SMIM10L3: variants seen among roughly 807,000 people sequenced by gnomAD.
SMIM10L3 encodes the protein small integral membrane protein 10 like 3, also known as salivary gland specific protein SAGSIN1.
chr7:6,332,662 T>C, the SMIM10L3 span, among the ~76,000 whole-genome samples: 1 of 151,880 alleles, frequency 6.6e-6, no homozygotes, highest in South Asian at 2.1e-4. Flanking sequence ...CGAGTCACTC[T>C]GCCCTCTGAC....
At chr7:6,337,442 AAACAGGTCATAT>A in the SMIM10L3 span, among the ~76,000 whole-genome samples, 1 of 151,264 alleles carries the variant, frequency 6.6e-6, no homozygotes, top group Non-Finnish European at 1.5e-5. Flanking sequence ...TTCTCAAGAA[AAACAGGTCATAT>A]AATATGGGAC....
the SMIM10L3 span, among the ~76,000 whole-genome samples, chr7:6,332,767 C>G: frequency 6.6e-6 from 1 of 152,134 alleles, no homozygotes; most frequent in Non-Finnish European, 1.5e-5. Context: ...AAGTGGCTGA[C>G]GGGGATGGAG....
chr7:6,333,306 G>A, the SMIM10L3 span, among the ~76,000 whole-genome samples: 2 of 152,240 alleles, frequency 1.3e-5, no homozygotes, highest in East Asian at 1.9e-4. Flanking sequence ...GGTGATTGGA[G>A]CCAGCCGAGA....
At chr7:6,341,180 C>G in the SMIM10L3 span, among the ~76,000 whole-genome samples, 3 of 147,738 alleles carry the variant, frequency 2.0e-5, no homozygotes, top group Admixed American at 6.8e-5. Flanking sequence ...CACAGTGGCT[C>G]ACCCCTGAAA....
the SMIM10L3 span, chr7:6,329,907 T>C: frequency 5.9e-6 from 1 of 169,978 alleles, no homozygotes; most frequent in Admixed American, 6.3e-5. Flanking sequence ...CAGACCAAAA[T>C]CATTCTACAA....
At chr7:6,332,875 T>G in the SMIM10L3 span, among the ~76,000 whole-genome samples, 1 of 151,526 alleles carries the variant, frequency 6.6e-6, no homozygotes, top group Non-Finnish European at 1.5e-5. Flanking sequence ...TTGTTATAAA[T>G]TTTGGCCAGG....
At chr7:6,330,397 G>A in the SMIM10L3 span, 2 of 1,613,058 alleles carry the variant, frequency 1.2e-6, no homozygotes, top group Non-Finnish European at 1.7e-6. Context: ...TAATGTATTT[G>A]CTAATTCAAA....
At chr7:6,343,429 T>C in the SMIM10L3 span, among the ~76,000 whole-genome samples, 9 of 95,778 alleles carry the variant, frequency 9.4e-5, no homozygotes, top group Non-Finnish European at 1.7e-4. Context: ...TATATATATA[T>C]ATATATATAT....
the SMIM10L3 span, among the ~76,000 whole-genome samples, chr7:6,334,459 C>G: frequency 1.3e-5 from 2 of 151,910 alleles, no homozygotes; most frequent in Admixed American, 1.3e-4. Context: ...CAGCTTGAGT[C>G]CCAGAGGCTC....
At chr7:6,339,614 G>C in the SMIM10L3 span, among the ~76,000 whole-genome samples, 2 of 151,834 alleles carry the variant, frequency 1.3e-5, no homozygotes, top group African/African-American at 4.8e-5. Context: ...CTCCGGAGTA[G>C]CTGGGACTAC....
At chr7:6,330,278 C>A in the SMIM10L3 span, 2 of 1,133,100 alleles carry the variant, frequency 1.8e-6, no homozygotes, top group Admixed American at 2.7e-5. Flanking sequence ...ACAGCAGGAA[C>A]CTAAGGGCTG....
chr7:6,337,798 T>TTTAA, the SMIM10L3 span, among the ~76,000 whole-genome samples: 4 of 151,254 alleles, frequency 2.6e-5, no homozygotes, highest in Non-Finnish European at 2.9e-5. Context: ...CAATACATTA[T>TTTAA]TTATTTATTT....
chr7:6,333,840 CTTTT>C, the SMIM10L3 span, among the ~76,000 whole-genome samples: 22 of 96,818 alleles, frequency 2.3e-4, no homozygotes, highest in South Asian at 7.1e-4. Flanking sequence ...CTCCTGGCCT[CTTTT>C]TTTTTTTTTT....
At chr7:6,346,618 C>T in the SMIM10L3 span, among the ~76,000 whole-genome samples, 1 of 152,090 alleles carries the variant, frequency 6.6e-6, no homozygotes, top group Non-Finnish European at 1.5e-5. Flanking sequence ...TGAGCTTAAG[C>T]GACGCAGACA....
At chr7:6,330,737 C>T in the SMIM10L3 span, 48 of 1,614,148 alleles carry the variant, frequency 3.0e-5, no homozygotes, top group Admixed American at 2.0e-4. Flanking sequence ...CCTCTGTGGC[C>T]GTCAGTGGCC....
the SMIM10L3 span, among the ~76,000 whole-genome samples, chr7:6,345,851 C>T: frequency 1.1e-4 from 17 of 151,854 alleles, no homozygotes; most frequent in Non-Finnish European, 2.1e-4. Flanking sequence ...TCACTGCAAC[C>T]TCCATCTCCT....
At chr7:6,343,129 C>T in the SMIM10L3 span, among the ~76,000 whole-genome samples, 3 of 151,700 alleles carry the variant, frequency 2.0e-5, no homozygotes, top group East Asian at 5.8e-4. Flanking sequence ...GTAATCCCAG[C>T]ACCTTGGGAG....
At chr7:6,331,676 G>A in the SMIM10L3 span, among the ~76,000 whole-genome samples, 1 of 151,482 alleles carries the variant, frequency 6.6e-6, no homozygotes. Flanking sequence ...CACCACGCCC[G>A]GCCTAGTGGA....
the SMIM10L3 span, chr7:6,331,245 G>C: frequency 3.8e-6 from 5 of 1,313,348 alleles, no homozygotes; most frequent in African/African-American, 6.0e-5. Flanking sequence ...CCTAGGAAAG[G>C]GAATCAAATT....
Sources: gnomAD v4.1 joint callset for allele counts (sites outside exome capture counted in the v4.1 genomes callset) on GRCh38, gnomAD v4.1.1 for gene constraint, MANE v1.5 for transcripts, NCBI Gene and HGNC (gene_info 2026-07-23, HGNC 2026-07-21) for gene names.